The following NPAS3 variants were observed in gnomAD, a reference collection of about 807,000 sequenced individuals.
NPAS3 encodes the protein neuronal PAS domain protein 3.
NPAS3 carries 14 observed loss-of-function variants against 73.1 expected under a neutral mutation model. The ratio of observed to expected loss-of-function variants is 0.19; its 90% confidence interval spans 0.13 to 0.30. The LOEUF is 0.30. Among genes scored for constraint, NPAS3 ranks in the 10% least tolerant of loss-of-function variants. The probability of loss-of-function intolerance (pLI) is 1.00; values close to 1 mark genes in which losing one functional copy is unlikely to be tolerated. For synonymous variants in NPAS3, 620 were observed against 541.5 expected, an observed-to-expected ratio of 1.14 and a Z score of -2.01; for missense variants, 1,096 against 1,250.0, an observed-to-expected ratio of 0.88 and a Z score of 1.86.
At chr14:33,058,878 C>T (rs2040987487) in intron 2 of NPAS3, among the ~76,000 whole-genome samples, 1 of 152,132 alleles carries the variant, frequency 6.6e-6, no homozygotes, top group African/African-American at 2.4e-5. Context: ...TAGGTGTTGT[C>T]ACTTTGTGTT....
intron 4 of NPAS3, among the ~76,000 whole-genome samples, chr14:33,370,931 C>A (rs1566840821): frequency 2.0e-5 from 3 of 152,214 alleles, no homozygotes; most frequent in East Asian, 3.9e-4. Context: ...CACTTGGAAA[C>A]CTAAGTCCTG....
chr14:33,388,753 G>A (rs186806744), intron 4 of NPAS3, among the ~76,000 whole-genome samples: 25 of 152,272 alleles, frequency 1.6e-4, no homozygotes, highest in African/African-American at 4.1e-4. Flanking sequence ...AATTTACAGA[G>A]ATAGGAAATG....
intron 3 of NPAS3, among the ~76,000 whole-genome samples, chr14:33,232,276 T>C (rs893793482): frequency 5.3e-5 from 8 of 152,196 alleles, no homozygotes; most frequent in Admixed American, 2.0e-4. Context: ...ATTAAGAGTG[T>C]GGGTGCTTTG....
chr14:33,162,626 C>G lies in NPAS3; in HGVS notation c.141-52556C>G, dbSNP rs369492258. Among the ~76,000 whole-genome samples, 340 of 152,124 alleles carry G rather than the reference C, an allele frequency of 2.2e-3. 13 individuals carry two copies. In the South Asian group the frequency reaches 0.069, roughly 31 times the overall value. The stretch of plus-strand genomic sequence containing the variant: ...TCCAATGACTGTAATTTCTTACTCT[C>G]TCTCCAAAGCTAGCAACCAAACATC... On this transcript the variant is annotated intron_variant, in intron 2 of 11. Coordinates refer to ENST00000356141, the Ensembl canonical transcript of NPAS3.
intron 2 of NPAS3, chr14:33,214,663 A>G (rs530832954): frequency 9.1e-4 from 140 of 153,280 alleles, no homozygotes; most frequent in African/African-American, 3.1e-3. Context: ...GGCTGGAAAC[A>G]TATTTGTTGA....
chr14:33,232,991 T>C (rs2047907702), intron 3 of NPAS3, among the ~76,000 whole-genome samples: 2 of 152,158 alleles, frequency 1.3e-5, no homozygotes, highest in Admixed American at 1.3e-4. Context: ...TAACAAACCT[T>C]ACATCCAAAT....
intron 1 of NPAS3, among the ~76,000 whole-genome samples, chr14:33,036,864 C>T (rs1424381128): frequency 6.6e-6 from 1 of 152,136 alleles, no homozygotes; most frequent in Non-Finnish European, 1.5e-5. Context: ...CAGACCCATC[C>T]CATCAAGGGG....
chr14:33,346,527 CAAAAAA>C (rs33926266), intron 3 of NPAS3, among the ~76,000 whole-genome samples: 19 of 70,912 alleles, frequency 2.7e-4, no homozygotes, highest in African/African-American at 8.3e-4. Flanking sequence ...GACCCTGTCT[CAAAAAA>C]AAAAAAAAAA....
rs1173600159 is a variant in NPAS3, at chr14:33,270,632, G to A, written c.385+55206G>A. Among the ~76,000 whole-genome samples, 5 of 152,298 alleles carry A rather than the reference G, an allele frequency of 3.3e-5. No homozygotes were observed. In the East Asian group the frequency reaches 7.7e-4, roughly 24 times the overall value. On this transcript the variant is annotated intron_variant, in intron 3 of 11. Coordinates refer to ENST00000356141, the Ensembl canonical transcript of NPAS3. ...TTAGAATTCACCAGAAGAGGAATGA[G>A]GACCATTGATAAGGTGGCTAGATTA...
chr14:33,131,793 G>A lies in NPAS3; in HGVS notation c.140+75799G>A, dbSNP rs952768694. On this transcript the variant is annotated intron_variant, in intron 2 of 11. Coordinates refer to ENST00000356141, the Ensembl canonical transcript of NPAS3. ...TCTCTGGCTTAGTTGGTAAGGAAGG[G>A]GTGTTAAAAAGGGCCACAATAAACT... is the stretch of plus-strand genomic sequence containing the variant. Among the ~76,000 whole-genome samples, 2 of 152,122 alleles carry A rather than the reference G, an allele frequency of 1.3e-5. 1 individual carries two copies. Among genetic ancestry groups the A allele is most frequent in the South Asian group, 4.1e-4 (2 of 4,824 alleles).
chr14:33,249,898 A>C (rs1399653623), intron 3 of NPAS3, among the ~76,000 whole-genome samples: 1 of 146,568 alleles, frequency 6.8e-6, no homozygotes, highest in African/African-American at 2.5e-5. Context: ...TTTGGAAGCA[A>C]ATCTGTCATA....
At chr14:33,646,043 G>C (rs2058820134) in intron 5 of NPAS3, among the ~76,000 whole-genome samples, 1 of 152,186 alleles carries the variant, frequency 6.6e-6, no homozygotes, top group Admixed American at 6.5e-5. Flanking sequence ...GTGGATGAAA[G>C]GTGCAAGTGC....
At chr14:33,685,818 A>T (rs868330266) in intron 6 of NPAS3, among the ~76,000 whole-genome samples, 8 of 152,124 alleles carry the variant, frequency 5.3e-5, no homozygotes, top group African/African-American at 1.9e-4. Context: ...ATTTTTCAAA[A>T]TGACCCTACA....
intron 4 of NPAS3, among the ~76,000 whole-genome samples, chr14:33,423,814 C>A (rs1042039866): frequency 6.6e-6 from 1 of 151,872 alleles, no homozygotes; most frequent in African/African-American, 2.4e-5. Context: ...AGATCAAAAG[C>A]AAGTCAAAGA....
intron 1 of NPAS3, among the ~76,000 whole-genome samples, chr14:32,944,974 A>G (rs2036191793): frequency 6.6e-6 from 1 of 152,206 alleles, no homozygotes; most frequent in Non-Finnish European, 1.5e-5. Flanking sequence ...AGCTTCATTT[A>G]TTGAACCTCT....
At chr14:33,452,921 A>T (rs754214685) in intron 4 of NPAS3, among the ~76,000 whole-genome samples, 6 of 152,146 alleles carry the variant, frequency 3.9e-5, no homozygotes, top group African/African-American at 7.2e-5. Context: ...TCTTCTTGTA[A>T]TTATGCTTGG....
chr14:33,763,865 A>G (rs1481695493), intron 7 of NPAS3, among the ~76,000 whole-genome samples: 1 of 150,512 alleles, frequency 6.6e-6, no homozygotes, highest in Middle Eastern at 3.2e-3. Context: ...TTTCCAAAAT[A>G]TATATGACCC....
chr14:32,985,118 G>GA (rs113540649), intron 1 of NPAS3, among the ~76,000 whole-genome samples: 28,056 of 152,076 alleles, frequency 0.18, 3,279 homozygotes, highest in African/African-American at 0.33. Context: ...CATATGATAT[G>GA]GACATCAGAA....
At chr14:33,599,066 G>GT (rs376369264) in intron 5 of NPAS3, among the ~76,000 whole-genome samples, 26 of 152,070 alleles carry the variant, frequency 1.7e-4, no homozygotes, top group African/African-American at 4.1e-4. Context: ...TTAGGCACAT[G>GT]TTTTTTTTAT....
Sources: gnomAD v4.1 joint callset for allele counts (sites outside exome capture counted in the v4.1 genomes callset) on GRCh38, gnomAD v4.1.1 for gene constraint, MANE v1.5 for transcripts, NCBI Gene and HGNC (gene_info 2026-07-23, HGNC 2026-07-21) for gene names.